Variants in RGS20 observed in about 807,000 individuals in gnomAD.
The protein encoded by RGS20 is regulator of G protein signaling 20.
RGS20 carries 30 observed loss-of-function variants against 33.6 expected under a neutral mutation model. The ratio of observed to expected loss-of-function variants is 0.89; its 90% CI spans 0.67 to 1.21. The LOEUF (loss-of-function observed/expected upper bound fraction) is 1.21. Among genes scored for constraint, RGS20 ranks in the 50% most tolerant of loss-of-function variants. RGS20 has a pLI of 0.00. For synonymous variants in RGS20, 208 were observed against 197.9 expected, an observed-to-expected ratio of 1.05 and a Z score of -0.43; for missense variants, 472 against 502.4, an observed-to-expected ratio of 0.94 and a Z score of 0.58.
intron 2 of RGS20, among the ~76,000 whole-genome samples, chr8:53,938,304 G>A (rs1814193645): frequency 6.6e-6 from 1 of 152,160 alleles, no homozygotes; most frequent in Non-Finnish European, 1.5e-5. Context: ...AAAACTGAAT[G>A]TTCTCGCTCA....
At chr8:53,861,547 C>T (rs1446699580) in intron 1 of RGS20, among the ~76,000 whole-genome samples, 1 of 152,232 alleles carries the variant, frequency 6.6e-6, no homozygotes, top group East Asian at 1.9e-4. Context: ...CACTGCATTT[C>T]CGAATTCTGT....
intron 2 of RGS20, among the ~76,000 whole-genome samples, chr8:53,931,946 C>T (rs1813980533): frequency 6.6e-6 from 1 of 152,146 alleles, no homozygotes; most frequent in Non-Finnish European, 1.5e-5. Flanking sequence ...ACCACTAGGG[C>T]CCTGGTGGTG....
chr8:53,956,039 C>G (rs973498560), intron 5 of RGS20, among the ~76,000 whole-genome samples: 1 of 152,066 alleles, frequency 6.6e-6, no homozygotes, highest in Non-Finnish European at 1.5e-5. Flanking sequence ...TCAGCACTCA[C>G]TGGGGCTCGG....
At chr8:53,910,146 A>G (rs986303435) in intron 2 of RGS20, among the ~76,000 whole-genome samples, 12 of 152,210 alleles carry the variant, frequency 7.9e-5, no homozygotes, top group African/African-American at 2.9e-4. Flanking sequence ...ACACCTTTAC[A>G]TAAAACAGAA....
chr8:53,928,373 A>G (rs543357002), intron 2 of RGS20, among the ~76,000 whole-genome samples: 2 of 152,334 alleles, frequency 1.3e-5, no homozygotes, highest in East Asian at 3.9e-4. Flanking sequence ...TTTTGTACAT[A>G]GAGATGAGAG....
chr8:53,863,627 A>G, intron 1 of RGS20, among the ~76,000 whole-genome samples: 1 of 152,148 alleles, frequency 6.6e-6, no homozygotes, highest in South Asian at 2.1e-4. Context: ...CCTGCCACCA[A>G]GCAAGATGAT....
At chr8:53,900,173 T>C (rs2129280240) in intron 2 of RGS20, among the ~76,000 whole-genome samples, 1 of 152,230 alleles carries the variant, frequency 6.6e-6, no homozygotes, top group Non-Finnish European at 1.5e-5. Flanking sequence ...GTTTACAGTC[T>C]TTTTTTCCCC....
chr8:53,948,375 T>C (rs916155844), intron 4 of RGS20, among the ~76,000 whole-genome samples: 2 of 142,676 alleles, frequency 1.4e-5, no homozygotes, highest in African/African-American at 5.1e-5. Flanking sequence ...ACACAGTATA[T>C]ATTTATATAT....
chr8:53,951,050 G>C (rs1188448095), intron 4 of RGS20, among the ~76,000 whole-genome samples: 1 of 152,182 alleles, frequency 6.6e-6, no homozygotes, highest in African/African-American at 2.4e-5. Context: ...CAACTTGTAT[G>C]TACCTAATAA....
Position 53,858,260 on chromosome 8 carries a change from C to A in RGS20, c.165+6196C>A, listed in dbSNP as rs565149483. Among the ~76,000 whole-genome samples, 3 of 152,234 alleles carry A rather than the reference C, an allele frequency of 2.0e-5. No homozygotes were observed. The South Asian group carries it at 6.2e-4, about 32-fold the overall frequency. On this transcript the variant is annotated intron_variant, in intron 1 of 5. Coordinates refer to ENST00000297313, the MANE Select transcript of RGS20 (RefSeq NM_170587.4). The stretch of plus-strand genomic sequence containing the variant: ...GTCCCAGCGTTTGGGATTACACTGG[C>A]AGCCTTCACCACACCATCCACTGGG...
intron 4 of RGS20, among the ~76,000 whole-genome samples, chr8:53,952,541 A>AT (rs1270579978): frequency 6.6e-6 from 1 of 151,924 alleles, no homozygotes; most frequent in Non-Finnish European, 1.5e-5. Context: ...CCTGGCCAAC[A>AT]TGGTGAAACG....
intron 1 of RGS20, among the ~76,000 whole-genome samples, chr8:53,862,736 C>A (rs1421557500): frequency 6.6e-6 from 1 of 152,170 alleles, no homozygotes; most frequent in East Asian, 1.9e-4. Flanking sequence ...GAGTTAGAGA[C>A]TGCAGTGAGC....
At chr8:53,948,156 TA>T (rs1238030877) in intron 4 of RGS20, among the ~76,000 whole-genome samples, 11 of 134,066 alleles carry the variant, frequency 8.2e-5, no homozygotes, top group Non-Finnish European at 1.5e-4. Context: ...ATAGTATATA[TA>T]TTTATATATG....
chr8:53,911,259 A>C (rs752402911), intron 2 of RGS20, among the ~76,000 whole-genome samples: 7 of 152,224 alleles, frequency 4.6e-5, no homozygotes, highest in Admixed American at 6.5e-5. Context: ...TTTTTTAAAA[A>C]GTAGATGAAG....
intron 2 of RGS20, among the ~76,000 whole-genome samples, chr8:53,900,590 G>A (rs114828701): frequency 2.8e-4 from 42 of 152,306 alleles, no homozygotes; most frequent in African/African-American, 9.9e-4. Flanking sequence ...CACCAGAGTA[G>A]CACCTAGTTT....
chr8:53,867,199 C>G (rs568975998), intron 1 of RGS20, among the ~76,000 whole-genome samples: 12 of 152,006 alleles, frequency 7.9e-5, no homozygotes, highest in Non-Finnish European at 1.6e-4. Context: ...CCTGGGAAAA[C>G]GTGACAACTC....
intron 5 of RGS20, among the ~76,000 whole-genome samples, chr8:53,956,710 T>C (rs1164312462): frequency 6.6e-6 from 1 of 152,232 alleles, no homozygotes; most frequent in Non-Finnish European, 1.5e-5. Context: ...CATGTTTGAA[T>C]ACTGAGTCCA....
chr8:53,888,587 C>A (rs1812612694), intron 2 of RGS20, among the ~76,000 whole-genome samples: 1 of 152,174 alleles, frequency 6.6e-6, no homozygotes, highest in African/African-American at 2.4e-5. Context: ...GCGCCCCTCC[C>A]TGGATGCCAT....
chr8:53,932,205 T>C (rs1813992048), intron 2 of RGS20, among the ~76,000 whole-genome samples: 1 of 152,066 alleles, frequency 6.6e-6, no homozygotes, highest in Non-Finnish European at 1.5e-5. Context: ...TGGGTGGCCA[T>C]TTGGGCAGAC....
Sources: gnomAD v4.1 joint callset for allele counts (sites outside exome capture counted in the v4.1 genomes callset) on GRCh38, gnomAD v4.1.1 for gene constraint, MANE v1.5 for transcripts, NCBI Gene and HGNC (gene_info 2026-07-23, HGNC 2026-07-21) for gene names.